The following CSMD1 variants were observed in gnomAD, a reference collection of about 807,000 sequenced individuals.
CSMD1 encodes CUB and Sushi multiple domains 1, also known as CUB and sushi domain-containing protein 1.
In CSMD1, 213 loss-of-function variants were observed where a neutral mutation model predicts 417.5. The observed-to-expected ratio is 0.51, with a 90% CI of 0.46 to 0.57. CSMD1 has a LOEUF of 0.57. Ranked by LOEUF, CSMD1 falls within the 20% of genes least tolerant of loss-of-function variation. The pLI is 0.00. For missense variants in CSMD1, 6,923 were observed against 4,529.7 expected, an observed-to-expected ratio of 1.53 and a Z score of -15.17; for synonymous variants, 2,862 against 1,736.8, an observed-to-expected ratio of 1.65 and a Z score of -16.11.
chr8:4,456,922 G>A (rs1236065368), intron 2 of CSMD1, among the ~76,000 whole-genome samples: 1 of 147,258 alleles, frequency 6.8e-6, no homozygotes, highest in Non-Finnish European at 1.5e-5. Context: ...CCCACCAACT[G>A]TTTATCCTGA....
intron 1 of CSMD1, among the ~76,000 whole-genome samples, chr8:4,771,226 C>A (rs899504144): frequency 5.9e-5 from 9 of 152,156 alleles, no homozygotes; most frequent in African/African-American, 2.2e-4. Context: ...TTTCAAGAGG[C>A]AGAGCTGGAT....
intron 1 of CSMD1, among the ~76,000 whole-genome samples, chr8:4,954,176 T>C (rs1808930562): frequency 6.6e-6 from 1 of 152,176 alleles, no homozygotes; most frequent in Non-Finnish European, 1.5e-5. Flanking sequence ...CATTTAGAAA[T>C]AAACAAACAG....
At chr8:3,819,149 G>C (rs74897441) in intron 5 of CSMD1, among the ~76,000 whole-genome samples, 3,377 of 152,282 alleles carry the variant, frequency 0.022, 44 homozygotes, top group African/African-American at 0.037. Flanking sequence ...AGGCGGAAAG[G>C]AATCTGACAT....
intron 3 of CSMD1, among the ~76,000 whole-genome samples, chr8:4,162,239 A>G (rs1797216209): frequency 6.6e-6 from 1 of 152,262 alleles, no homozygotes; most frequent in African/African-American, 2.4e-5. Context: ...GTATTCATCT[A>G]AGAAACATTC....
intron 5 of CSMD1, among the ~76,000 whole-genome samples, chr8:3,862,156 T>C (rs1025446235): frequency 2.0e-5 from 3 of 152,206 alleles, no homozygotes; most frequent in East Asian, 1.9e-4. Context: ...CAGTTCTCTA[T>C]TGCCTTCTAC....
chr8:3,245,889 G>C (rs1213977659), intron 26 of CSMD1, among the ~76,000 whole-genome samples: 2 of 152,158 alleles, frequency 1.3e-5, no homozygotes, highest in African/African-American at 4.8e-5. Flanking sequence ...TTTCTTAGCA[G>C]ATTGCCAGTG....
At chr8:3,046,958 C>G (rs866843105) in intron 50 of CSMD1, among the ~76,000 whole-genome samples, 1 of 152,168 alleles carries the variant, frequency 6.6e-6, no homozygotes, top group Non-Finnish European at 1.5e-5. Context: ...GTGGCTGATG[C>G]CGGCACTTTG....
intron 3 of CSMD1, among the ~76,000 whole-genome samples, chr8:4,145,652 G>C (rs912927176): frequency 3.3e-5 from 5 of 150,932 alleles, no homozygotes; most frequent in African/African-American, 9.9e-5. Flanking sequence ...GCCTCTCAAA[G>C]TGCTGGGATT....
intron 5 of CSMD1, among the ~76,000 whole-genome samples, chr8:3,892,525 A>C (rs926174333): frequency 1.1e-5 from 1 of 94,564 alleles, no homozygotes; most frequent in Non-Finnish European, 2.0e-5. Context: ...TGTTAGAGGA[A>C]TTTTGCAAAA....
At chr8:4,120,010 C>T (rs116224824) in intron 3 of CSMD1, among the ~76,000 whole-genome samples, 7,823 of 152,004 alleles carry the variant, frequency 0.051, 671 homozygotes, top group African/African-American at 0.18. Flanking sequence ...AATAGGGTGA[C>T]GGCAGTTGAT....
At chr8:3,419,986 T>C (rs1449204655) in intron 12 of CSMD1, among the ~76,000 whole-genome samples, 1 of 152,150 alleles carries the variant, frequency 6.6e-6, no homozygotes, top group South Asian at 2.1e-4. Context: ...ATAATAATCG[T>C]TCGCATCTCC....
chr8:2,999,945 A>T lies in CSMD1; in HGVS notation c.8203+13T>A. ...GAAGCATCGATGAATTCGTCCACAA[A>T]GAGTGCACTTACGGACACAGACAGG... On this transcript the variant is annotated intron_variant, in intron 53 of 69. Transcript: ENST00000635120. The T allele has an allele frequency of 6.2e-7, 1 of 1,603,934 alleles. No individual in the cohort carries two copies. The highest frequency in any genetic ancestry group is 8.5e-7 in the Non-Finnish European group (1 of 1,175,096).
intron 3 of CSMD1, among the ~76,000 whole-genome samples, chr8:4,107,038 T>C (rs1458214990): frequency 6.6e-6 from 1 of 151,994 alleles, no homozygotes; most frequent in South Asian, 2.1e-4. Context: ...CTGCCACATA[T>C]CACGCGGCAC....
intron 12 of CSMD1, among the ~76,000 whole-genome samples, chr8:3,465,285 G>T (rs567620401): frequency 6.6e-6 from 1 of 152,120 alleles, no homozygotes; most frequent in Non-Finnish European, 1.5e-5. Context: ...GCTCCTAAAA[G>T]GGTCCATTAA....
chr8:4,808,910 G>C (rs909286110), intron 1 of CSMD1, among the ~76,000 whole-genome samples: 2 of 152,192 alleles, frequency 1.3e-5, no homozygotes, highest in Non-Finnish European at 2.9e-5. Flanking sequence ...AAAAAACTGA[G>C]CTGGATTATT....
At chr8:4,191,406 A>AAAAAG (rs149868023) in intron 3 of CSMD1, among the ~76,000 whole-genome samples, 4,237 of 152,154 alleles carry the variant, frequency 0.028, 214 homozygotes, top group African/African-American at 0.096. Flanking sequence ...AGAAAAAACA[A>AAAAAG]AAAACAAAAC....
At chr8:3,634,122 C>CATCA (rs1398335157) in intron 7 of CSMD1, among the ~76,000 whole-genome samples, 1 of 152,178 alleles carries the variant, frequency 6.6e-6, no homozygotes, top group Non-Finnish European at 1.5e-5. Context: ...GGTTCTTGAC[C>CATCA]TGATGCTGGG....
At chr8:4,616,271 C>A (rs1183254089) in intron 2 of CSMD1, among the ~76,000 whole-genome samples, 1 of 152,092 alleles carries the variant, frequency 6.6e-6, no homozygotes. Context: ...ACCAATTGTA[C>A]AAGTCTACAC....
rs939197950 is a variant in CSMD1 at position 3,835,440 on chromosome 8, C to G, written c.819-81398G>C. On this transcript the variant is annotated intron_variant, in intron 5 of 69. Coordinates refer to ENST00000635120, the MANE Select transcript of CSMD1 (RefSeq NM_033225.6). ...GTAGGGACATGGATGAAAGTGGAAACCATCATTCTCAGCAAACTACCGCCA... is the reference window on the plus strand; with the variant it reads ...GTAGGGACATGGATGAAAGTGGAAAGCATCATTCTCAGCAAACTACCGCCA... Among the ~76,000 whole-genome samples, 13 of 151,910 alleles carry G rather than the reference C, an allele frequency of 8.6e-5. No individual in the cohort carries two copies. The South Asian group carries it at 2.1e-3, about 24-fold the overall frequency.
Sources: gnomAD v4.1 joint callset for allele counts (sites outside exome capture counted in the v4.1 genomes callset) on GRCh38, gnomAD v4.1.1 for gene constraint, MANE v1.5 for transcripts, NCBI Gene and HGNC (gene_info 2026-07-23, HGNC 2026-07-21) for gene names.